Variants in SYT16 observed in about 807,000 individuals in gnomAD.
SYT16 encodes the protein synaptotagmin 16.
SYT16 carries 42 observed loss-of-function variants against 61.4 expected under a neutral mutation model. That is an observed-to-expected ratio of 0.68 (90% CI 0.53 to 0.89). The LOEUF is 0.89. SYT16 is among the 40% of genes least tolerant of loss of function. The pLI is 0.00. For synonymous variants in SYT16, 314 were observed against 302.3 expected, an observed-to-expected ratio of 1.04 and a Z score of -0.40; for missense variants, 804 against 807.3, an observed-to-expected ratio of 1.00 and a Z score of 0.05.
chr14:61,920,653 C>A (rs547572924), intron 1 of SYT16, among the ~76,000 whole-genome samples: 23 of 152,174 alleles, frequency 1.5e-4, no homozygotes, highest in Middle Eastern at 3.2e-3. Flanking sequence ...CGCAGACTTC[C>A]TCCTGATTTC....
At chr14:61,987,015 T>C (rs1182697056) in intron 2 of SYT16, among the ~76,000 whole-genome samples, 1 of 152,178 alleles carries the variant, frequency 6.6e-6, no homozygotes, top group East Asian at 1.9e-4. Context: ...AATAATGTTA[T>C]AGGTCATCAA....
intron 1 of SYT16, among the ~76,000 whole-genome samples, chr14:61,939,083 T>C (rs1024555400): frequency 6.6e-6 from 1 of 152,126 alleles, no homozygotes; most frequent in Non-Finnish European, 1.5e-5. Flanking sequence ...TGTAGTGAGC[T>C]GAGATCGTGC....
At chr14:62,048,946 T>C (rs1178046196) in intron 3 of SYT16, among the ~76,000 whole-genome samples, 2 of 152,206 alleles carry the variant, frequency 1.3e-5, no homozygotes, top group Non-Finnish European at 2.9e-5. Flanking sequence ...AAAGAATGTA[T>C]ATTCTGTTGA....
intron 1 of SYT16, among the ~76,000 whole-genome samples, chr14:61,916,794 A>T (rs950674544): frequency 6.6e-5 from 10 of 151,870 alleles, no homozygotes; most frequent in African/African-American, 2.4e-4. Flanking sequence ...CCTCCATGAG[A>T]TCCACTTTTT....
chr14:62,080,848 C>A lies in SYT16; in HGVS notation c.1008C>A (p.Thr336=). 1.9e-6 allele frequency: 3 copies of A among 1,598,524 alleles called. No homozygotes were observed. The highest frequency in any genetic ancestry group is 1.1e-5 in the South Asian group (1 of 88,240). ...GCCTGCAACAGGAACAGGACAGGAC[C>A]AATTTGCAGGTGCCATCCGGGGTCT... ...SMWSPEEQDR[T]NLQVPSGVSE... Residue 336 remains threonine (T), a synonymous_variant, in exon 6 of 8, where the codon ACC becomes ACA. Transcript: ENST00000683842.
At chr14:61,847,010 C>T (rs1190343674) in intron 1 of SYT16, among the ~76,000 whole-genome samples, 1 of 152,140 alleles carries the variant, frequency 6.6e-6, no homozygotes, top group Admixed American at 6.5e-5. Context: ...TCTTACTGTA[C>T]TGTCTACATT....
rs115979889 is a variant in SYT16 at position 62,096,050 on chromosome 14, G to C, written c.1625-4344G>C. On this transcript the variant is annotated intron_variant, in intron 7 of 7. Transcript: ENST00000683842. ...TAATCCTTCCCATATACAAAATTTA[G>C]ATCCCTACCTCACACCACATGCAAA... Among the ~76,000 whole-genome samples, 471 of 151,998 alleles carry C rather than the reference G, an allele frequency of 3.1e-3. 5 individuals are homozygous for C. Among genetic ancestry groups the C allele is most frequent in the African/African-American group, 0.011 (448 of 41,498 alleles).
intron 3 of SYT16, among the ~76,000 whole-genome samples, chr14:62,003,344 C>T (rs1480815139): frequency 2.6e-5 from 4 of 151,896 alleles, no homozygotes; most frequent in Admixed American, 2.6e-4. Flanking sequence ...GCTTGAATTT[C>T]CATTTGGTTT....
chr14:62,083,290 T>C (rs899261435), intron 6 of SYT16, among the ~76,000 whole-genome samples: 7 of 152,190 alleles, frequency 4.6e-5, no homozygotes, highest in Admixed American at 2.6e-4. Flanking sequence ...ATTTCAAACA[T>C]TGAGAAGAAA....
chr14:61,937,060 A>T (rs2050010794), intron 1 of SYT16, among the ~76,000 whole-genome samples: 1 of 152,240 alleles, frequency 6.6e-6, no homozygotes, highest in African/African-American at 2.4e-5. Context: ...TGTGCCAGGA[A>T]CGGTGCTATC....
chr14:61,969,797 G>T (rs2051470306), intron 1 of SYT16, among the ~76,000 whole-genome samples: 1 of 152,142 alleles, frequency 6.6e-6, no homozygotes, highest in East Asian at 1.9e-4. Flanking sequence ...CCATTTGATT[G>T]AACTCTGTCT....
At chr14:61,936,227 T>C (rs190424503) in intron 1 of SYT16, among the ~76,000 whole-genome samples, 153 of 152,346 alleles carry the variant, frequency 1.0e-3, no homozygotes, top group Admixed American at 2.0e-3. Context: ...AGTGGGGTTA[T>C]GCGCTGCCTC....
chr14:62,060,851 A>G (rs1418248116), intron 3 of SYT16, among the ~76,000 whole-genome samples: 1 of 152,064 alleles, frequency 6.6e-6, no homozygotes, highest in Non-Finnish European at 1.5e-5. Flanking sequence ...ATGGGTTGAG[A>G]AATGTTCTTT....
chr14:61,886,924 G>A (rs1225135776), intron 1 of SYT16, among the ~76,000 whole-genome samples: 2 of 118,874 alleles, frequency 1.7e-5, no homozygotes, highest in African/African-American at 6.3e-5. Context: ...TTTTTATGGA[G>A]AACGGGGTCT....
chr14:61,911,478 ATTG>A (rs1402125362), intron 1 of SYT16, among the ~76,000 whole-genome samples: 62 of 152,348 alleles, frequency 4.1e-4, no homozygotes, highest in Admixed American at 4.0e-3. Flanking sequence ...CAGCAAGGCA[ATTG>A]TTGTTTTCTG....
chr14:61,925,835 A>G (rs1225371740), intron 1 of SYT16, among the ~76,000 whole-genome samples: 1 of 152,200 alleles, frequency 6.6e-6, no homozygotes, highest in Non-Finnish European at 1.5e-5. Flanking sequence ...GCCTACACAC[A>G]ACTGGTGGTA....
intron 1 of SYT16, among the ~76,000 whole-genome samples, chr14:61,838,931 G>A (rs2046218370): frequency 6.6e-6 from 1 of 152,166 alleles, no homozygotes; most frequent in Non-Finnish European, 1.5e-5. Flanking sequence ...GCCATCCCTA[G>A]CAAGTGAAAG....
intron 1 of SYT16, among the ~76,000 whole-genome samples, chr14:61,947,726 A>G (rs1225596617): frequency 2.6e-5 from 4 of 152,218 alleles, no homozygotes; most frequent in Admixed American, 6.5e-5. Context: ...TCAATAAACT[A>G]CAGCCTCGTG....
At chr14:62,014,528 G>T (rs1051486404) in intron 3 of SYT16, among the ~76,000 whole-genome samples, 3 of 151,826 alleles carry the variant, frequency 2.0e-5, no homozygotes, top group South Asian at 2.1e-4. Flanking sequence ...CCACCTCCTG[G>T]GTTCAAGCAA....
Sources: gnomAD v4.1 joint callset for allele counts (sites outside exome capture counted in the v4.1 genomes callset) on GRCh38, gnomAD v4.1.1 for gene constraint, MANE v1.5 for transcripts, NCBI Gene and HGNC (gene_info 2026-07-23, HGNC 2026-07-21) for gene names.